Variants in HCN4 observed in about 807,000 individuals in gnomAD.
The protein encoded by HCN4 is hyperpolarization activated cyclic nucleotide gated potassium channel 4.
Under a neutral mutation model 76.9 loss-of-function variants are expected in HCN4, and 29 were observed. That is an observed-to-expected ratio of 0.38 (90% CI 0.28 to 0.51). The LOEUF (loss-of-function observed/expected upper bound fraction) is 0.51, where lower values mean the gene tolerates loss of function less well. HCN4 is among the 20% of genes least tolerant of loss of function. The pLI, the probability that HCN4 is intolerant of heterozygous loss-of-function variation, is 0.90. For synonymous variants in HCN4, 772 were observed against 762.5 expected, an observed-to-expected ratio of 1.01 and a Z score of -0.21; for missense variants, 1,416 against 1,715.2, an observed-to-expected ratio of 0.83 and a Z score of 3.08.
intron 1 of HCN4, among the ~76,000 whole-genome samples, chr15:73,365,859 C>A (rs942374623): frequency 1.3e-5 from 2 of 152,134 alleles, no homozygotes; most frequent in African/African-American, 4.8e-5. Flanking sequence ...GGTACTGGAA[C>A]TGCCTATCAC....
intron 4 of HCN4, among the ~76,000 whole-genome samples, chr15:73,326,077 C>G (rs2042897398): frequency 6.6e-6 from 1 of 151,960 alleles, no homozygotes; most frequent in African/African-American, 2.4e-5. Context: ...AGCCTCAGAC[C>G]CTGGGGCTCA....
chr15:73,340,914 G>C (rs994653029), intron 2 of HCN4: 3 of 152,220 alleles, frequency 2.0e-5, no homozygotes, highest in African/African-American at 7.2e-5. Context: ...AGGAGGCCTA[G>C]GCCAAAAGCC....
intron 1 of HCN4, among the ~76,000 whole-genome samples, chr15:73,344,864 G>A (rs1230978259): frequency 6.6e-6 from 1 of 152,194 alleles, no homozygotes; most frequent in Admixed American, 6.5e-5. Flanking sequence ...GTTATTCCCA[G>A]GGACCCTGCC....
chr15:73,332,050 G>T, intron 3 of HCN4, 81 bp downstream of exon 3: 1 of 1,416,162 alleles, frequency 7.1e-7, no homozygotes, highest in Non-Finnish European at 1.0e-6. Context: ...GAACTCAGAA[G>T]TTCCAAGTCC....
chr15:73,357,669 G>A (rs1036878527), intron 1 of HCN4, among the ~76,000 whole-genome samples: 1 of 152,052 alleles, frequency 6.6e-6, no homozygotes, highest in African/African-American at 2.4e-5. Context: ...AAGAAAGCCT[G>A]GCCTCCATCC....
In HCN4 at chr15:73,321,715, G is replaced by A. The variant is rs902751389; in HGVS notation, c.*766C>T. ...AGGGGGCCTGCTGCGAAGTCCTGGG[G>A]TCCTCTTCCCTGAGGACTGGAGAGA... On this transcript the variant is annotated 3_prime_UTR_variant, in exon 8 of 8. Transcript: ENST00000261917. The A allele has an allele frequency of 6.5e-6, 1 of 152,834 alleles. No individual in the cohort carries two copies. The highest frequency in any genetic ancestry group is 1.5e-5 in the Non-Finnish European group (1 of 68,258). 9.5% of individuals were successfully genotyped at this position (152,834 alleles called of 1,614,324 possible). A position where few individuals can be genotyped will look rare whatever the true frequency, so the allele number is the denominator to read the frequency against.
At position 73,320,275 on chromosome 15, in the gene HCN4, C is replaced by T. The variant is rs545412230; in HGVS notation, c.*2206G>A. 41 of 152,356 alleles carry T rather than the reference C, an allele frequency of 2.7e-4. No individual in the cohort carries two copies. Among genetic ancestry groups the T allele is most frequent in the African/African-American group, 9.9e-4 (41 of 41,566 alleles). The allele number at this position is 152,356 out of a possible 1,614,324, so 9.4% of individuals were successfully genotyped here. On this transcript the variant is annotated 3_prime_UTR_variant, in exon 8 of 8. Transcript: ENST00000261917. ...ACTCCTGAGCCAGCACAGTAGAGAC[C>T]AGTACTAGGCGGCGTCTAGTCTTTA...
In HCN4 at chr15:73,323,909, G is replaced by A. The variant is rs779780687; in HGVS notation, c.2184C>T (p.Asp728=). ...NSILLHKVQH[D]LNSGVFNYQE... is the part of the protein sequence containing the mutation. ...GGTAGTTGAAGACGCCGGAGTTGAG[G>A]TCGTGCTGGACTTTGTGGAGGAGGA... The change falls in exon 8 of 8, where the codon GAC becomes GAT. Residue 728 remains aspartate, a synonymous_variant. Coordinates refer to ENST00000261917, the MANE Select transcript of HCN4 (RefSeq NM_005477.3). The A allele has an allele frequency of 8.1e-6, 13 of 1,603,926 alleles. No individual in the cohort carries two copies. In the South Asian group the frequency reaches 1.4e-4, roughly 18 times the overall value.
chr15:73,331,066 T>C (rs545541630), intron 3 of HCN4, among the ~76,000 whole-genome samples: 1 of 152,312 alleles, frequency 6.6e-6, no homozygotes, highest in Admixed American at 6.5e-5. Flanking sequence ...CCTGGGAATT[T>C]GCCTTCAGAA....
intron 1 of HCN4, among the ~76,000 whole-genome samples, chr15:73,352,873 C>A (rs973585572): frequency 3.9e-5 from 6 of 152,248 alleles, no homozygotes; most frequent in African/African-American, 1.4e-4. Context: ...AGTCTTAGGG[C>A]TTCCCCTACT....
chr15:73,367,575 C>T lies in HCN4; in HGVS notation c.696G>A (p.Arg232=). Residue 232 remains arginine (R), a synonymous_variant, in exon 1 of 8, where the codon AGG becomes AGA. Transcript: ENST00000261917. This position sits in a 1 kb window ranked among gnomAD's most constrained non-coding sequence, Gnocchi z 7.5. ...LQPGVNKFSL[R]MFGSQKAVER... is the part of the protein sequence containing the mutation. ...CCACGGCTTTCTGGCTGCCGAACAT[C>T]CTTAGGGAGAATTTGTTGACCCCGG... The T allele has an allele frequency of 1.2e-6, 2 of 1,614,018 alleles. No homozygotes were observed. The highest frequency in any genetic ancestry group is 1.7e-6 in the Non-Finnish European group (2 of 1,180,030).
At chr15:73,344,122 C>CA (rs1452034607) in intron 1 of HCN4, among the ~76,000 whole-genome samples, 1 of 152,200 alleles carries the variant, frequency 6.6e-6, no homozygotes, top group Non-Finnish European at 1.5e-5. Context: ...CAGTGACACT[C>CA]AGAGAGAAGC....
At position 73,323,982 on chromosome 15, in the gene HCN4, C is replaced by T. The variant is rs756767624; in HGVS notation, c.2144-33G>A. On this transcript the variant is annotated intron_variant, in intron 7 of 7. Coordinates refer to ENST00000261917, the MANE Select transcript of HCN4 (RefSeq NM_005477.3). ...ACAGAACAAGAACAGGCACTCAGGGCAGAGCGGGGAAGGAGATCAGGTGCA... is the reference window on the plus strand; with the variant it reads ...ACAGAACAAGAACAGGCACTCAGGGTAGAGCGGGGAAGGAGATCAGGTGCA... 10 of 1,609,466 alleles carry T rather than the reference C, an allele frequency of 6.2e-6. No homozygotes were observed. In the South Asian group the frequency reaches 9.9e-5, roughly 16 times the overall value.
chr15:73,340,001 T>A (rs2042990848), intron 2 of HCN4, among the ~76,000 whole-genome samples: 1 of 152,190 alleles, frequency 6.6e-6, no homozygotes, highest in Non-Finnish European at 1.5e-5. Flanking sequence ...CCATCTGGCC[T>A]CCTGGGATCT....
intron 6 of HCN4, among the ~76,000 whole-genome samples, chr15:73,324,728 C>T (rs143802986): frequency 1.3e-5 from 2 of 152,202 alleles, no homozygotes; most frequent in African/African-American, 4.8e-5. Flanking sequence ...GATGGCCAGC[C>T]TCCAGAACCA....
Position 73,367,777 on chromosome 15 carries a change from G to T in HCN4, c.494C>A (p.Pro165Gln). ...CTGCGGTGGCTGCTGGGGCGGCGGC[G>T]GCGAGGCTGCGGGCTGCGCCGAGGC... is the stretch of plus-strand genomic sequence containing the variant. Reference protein sequence around the residue: ...PGASAQPAASPPPPQQPPQPA... With the variant: ...PGASAQPAASQPPPQQPPQPA... Residue 165 changes from proline (P) to glutamine (Q), a missense_variant, in exon 1 of 8, where the codon CCG becomes CAG. Physicochemically the swap from Pro to Gln is moderately conservative, Grantham distance 76. Transcript: ENST00000261917. This position sits in a 1 kb window ranked among gnomAD's most constrained non-coding sequence, Gnocchi z 7.5. 4 of 1,486,458 alleles carry T rather than the reference G, an allele frequency of 2.7e-6. No individual in the cohort carries two copies. Among genetic ancestry groups the T allele is most frequent in the Non-Finnish European group, 3.6e-6 (4 of 1,124,326 alleles). The allele number at this position is 1,486,458 out of a possible 1,614,324, so 92.1% of individuals were successfully genotyped here.
rs1435913646 is a variant in HCN4 at position 73,323,416 on chromosome 15, G to A, written c.2677C>T (p.Pro893Ser). ...PPGACGSPSAPTPSAGVAATT... is the reference protein window; with the variant it reads ...PPGACGSPSASTPSAGVAATT... ...GCGGCTACGCCAGCTGATGGTGTGG[G>A]AGCCGAGGGGGAGCCACAGGCCCCG... Residue 893 changes from proline (P) to serine (S), a missense_variant, in exon 8 of 8, where the codon CCC becomes TCC. Coordinates refer to ENST00000261917, the MANE Select transcript of HCN4 (RefSeq NM_005477.3). 2 of 1,604,006 alleles carry A rather than the reference G, an allele frequency of 1.2e-6. No homozygotes were observed. The highest frequency in any genetic ancestry group is 1.3e-5 in the African/African-American group (1 of 74,894).
At chr15:73,329,932 G>A in intron 3 of HCN4, 141 bp from the exon 4 acceptor site, 1 of 692,362 alleles carries the variant, frequency 1.4e-6, no homozygotes, top group Non-Finnish European at 2.5e-6. Flanking sequence ...GCTGTTGGCT[G>A]AAAGCCTTGG....
At position 73,343,370 on chromosome 15, in the gene HCN4, G is replaced by T. The variant is rs763848133; in HGVS notation, c.1209+15C>A. On this transcript the variant is annotated intron_variant, in intron 2 of 7. Transcript: ENST00000261917. This position sits in a 1 kb window ranked among gnomAD's most constrained non-coding sequence, Gnocchi z 5.7. The stretch of plus-strand genomic sequence containing the variant: ...GAGTGGCCTTTCCCCCAAGAGGTTT[G>T]CACTGACCACTTACCTCTTCCCACT... 4 of 1,613,250 alleles carry T rather than the reference G, an allele frequency of 2.5e-6. No individual in the cohort carries two copies. Among genetic ancestry groups the T allele is most frequent in the African/African-American group, 2.7e-5 (2 of 74,908 alleles).
Sources: gnomAD v4.1 joint callset for allele counts (sites outside exome capture counted in the v4.1 genomes callset) on GRCh38, gnomAD v4.1.1 for gene constraint, Gnocchi (gnomAD v3.1) non-coding constraint, MANE v1.5 for transcripts, NCBI Gene and HGNC (gene_info 2026-07-23, HGNC 2026-07-21) for gene names.